Variants in ASTL observed in about 807,000 individuals in gnomAD.
ASTL encodes the protein astacin like metalloendopeptidase.
In ASTL, 27 loss-of-function variants were observed where a neutral mutation model predicts 36.7. The observed-to-expected ratio is 0.73, with a 90% CI of 0.54 to 1.01. The LOEUF is 1.01. ASTL is among the 50% of genes least tolerant of loss of function. The probability of loss-of-function intolerance (pLI) is 0.00; values close to 1 mark genes in which losing one functional copy is unlikely to be tolerated. For missense variants in ASTL, 524 were observed against 572.8 expected (o/e 0.91, Z 0.87); for synonymous variants, 222 against 228.1 (o/e 0.97, Z 0.24).
chr2:96,125,639 C>A (rs937833519), intron 8 of ASTL, among the ~76,000 whole-genome samples: 9 of 151,846 alleles, frequency 5.9e-5, no homozygotes, highest in African/African-American at 1.9e-4. Flanking sequence ...GGTAGTCAAA[C>A]CTCTAGAAAA....
rs764193295 is a variant in ASTL at position 96,137,597 on chromosome 2, C to G, written c.159G>C (p.Lys53Asn). The G allele has an allele frequency of 1.5e-5, 25 of 1,613,930 alleles. No individual in the cohort carries two copies. The Middle Eastern group carries it at 3.5e-3, about 224-fold the overall frequency. Residue 53 changes from lysine to asparagine, a missense_variant, in exon 2 of 9, where the codon AAG becomes AAC. Transcript: ENST00000342380. ...TPEGTQASGDKDIPAINQGLI... is the reference protein window; with the variant it reads ...TPEGTQASGDNDIPAINQGLI... Reference sequence around the variant, plus strand: ...CACCTTGGTTAATTGCAGGAATGTCCTTGTCCCCGGAGGCCTGGGTTCCCT... The same window carrying G: ...CACCTTGGTTAATTGCAGGAATGTCGTTGTCCCCGGAGGCCTGGGTTCCCT...
intron 2 of ASTL, among the ~76,000 whole-genome samples, chr2:96,137,217 C>T (rs759494152): frequency 4.6e-5 from 7 of 152,192 alleles, no homozygotes; most frequent in South Asian, 2.1e-4. Context: ...TGCGACTAAC[C>T]GCTTAGCTCC....
rs910149540 is a variant in ASTL, at chr2:96,135,381, G to C, written c.213C>G (p.Ser71Arg). The C allele has an allele frequency of 1.2e-6, 2 of 1,614,090 alleles. No homozygotes were observed. Among genetic ancestry groups the C allele is most frequent in the East Asian group, 2.2e-5 (1 of 44,894 alleles). Reference sequence around the variant, plus strand: ...GGATGATGTCCCCCTCGATGAGGAAGCTGCTCTCTGGGGTTTCTTCCAGGA... The same window carrying C: ...GGATGATGTCCCCCTCGATGAGGAACCTGCTCTCTGGGGTTTCTTCCAGGA... ...GLILEETPES[S>R]FLIEGDIIRP... The change falls in exon 3 of 9, where the codon AGC (serine) becomes AGG (arginine). Residue 71 changes from serine (S) to arginine (R), a missense_variant. Coordinates refer to ENST00000342380, the MANE Select transcript of ASTL (RefSeq NM_001002036.4).
intron 8 of ASTL, among the ~76,000 whole-genome samples, chr2:96,127,303 G>A (rs1402027400): frequency 6.6e-6 from 1 of 152,188 alleles, no homozygotes; most frequent in African/African-American, 2.4e-5. Context: ...TGGGTCAGGG[G>A]TTATGTACAC....
upstream of ASTL, chr2:96,138,520 C>G: frequency 2.5e-6 from 3 of 1,204,486 alleles, no homozygotes; most frequent in Non-Finnish European, 3.6e-6. Context: ...GCACCACCAC[C>G]CCCTCTTAAA....
intron 2 of ASTL, 65 bp downstream of exon 2, chr2:96,137,510 G>C (rs1019295925): frequency 2.6e-6 from 4 of 1,548,948 alleles, no homozygotes; most frequent in Non-Finnish European, 3.5e-6. Context: ...CTGAGTGTTC[G>C]GTGTGGTTTT....
chr2:96,129,725 C>T, intron 8 of ASTL, 99 bp downstream of exon 8: 2 of 1,222,364 alleles, frequency 1.6e-6, no homozygotes, highest in South Asian at 3.6e-5. Flanking sequence ...CACCCTGCTC[C>T]CCCTGCAACC....
At position 96,135,346 on chromosome 2, in the gene ASTL, C is replaced by T; in HGVS notation, c.243+5G>A. 1 of 1,613,986 alleles carries T rather than the reference C, an allele frequency of 6.2e-7. No individual in the cohort carries two copies. The highest frequency in any genetic ancestry group is 8.5e-7 in the Non-Finnish European group (1 of 1,179,840). ...GCACCCACACACGTCAGTGTGTGCA[C>T]TCACCGGCCGGATGATGTCCCCCTC... is the stretch of plus-strand genomic sequence containing the variant. On this transcript the variant is annotated splice_donor_5th_base_variant and intron_variant, in intron 3 of 8. Coordinates refer to ENST00000342380, the MANE Select transcript of ASTL (RefSeq NM_001002036.4).
Position 96,132,496 on chromosome 2 carries a change from T to C in ASTL, c.637+44A>G. 6.5e-7 allele frequency: 1 copy of C among 1,534,344 alleles called. No individual in the cohort carries two copies. The highest frequency in any genetic ancestry group is 8.9e-7 in the Non-Finnish European group (1 of 1,128,674). ...GGCGACTTGGGCCCAAGCCGTGCTG[T>C]CCCCTCCCCGGCACCAGCCTGTCCT... On this transcript the variant is annotated intron_variant, in intron 6 of 8. Transcript: ENST00000342380. The surrounding 1 kb of genome is among the most constrained non-coding windows in gnomAD (Gnocchi z 5.4).
At position 96,132,809 on chromosome 2, in the gene ASTL, A is replaced by C; in HGVS notation, c.456-88T>G. On this transcript the variant is annotated intron_variant, in intron 5 of 8. Transcript: ENST00000342380. The surrounding 1 kb of genome is among the most constrained non-coding windows in gnomAD (Gnocchi z 5.4). ...TGGGCTCTCCCTCCCCACACAACACAAGATAGACAAACTCCCAACAGGCAG... is the reference window on the plus strand; with the variant it reads ...TGGGCTCTCCCTCCCCACACAACACCAGATAGACAAACTCCCAACAGGCAG... 1.6e-6 allele frequency: 2 copies of C among 1,235,274 alleles called. No individual in the cohort carries two copies. The highest frequency in any genetic ancestry group is 2.2e-6 in the Non-Finnish European group (2 of 894,196). 76.5% of individuals were successfully genotyped at this position (1,235,274 alleles called of 1,614,324 possible). A position where few individuals can be genotyped will look rare whatever the true frequency, so the allele number is the denominator to read the frequency against.
At chr2:96,133,877 G>A (rs1682238557) in intron 4 of ASTL, 88 bp downstream of exon 4, 2 of 877,990 alleles carry the variant, frequency 2.3e-6, no homozygotes, top group African/African-American at 3.3e-5. Context: ...GGGATGTGAT[G>A]GTGTAAGAGG....
chr2:96,130,286 T>G, intron 6 of ASTL, 141 bp from the exon 7 acceptor site: 1 of 687,256 alleles, frequency 1.5e-6, no homozygotes, highest in Non-Finnish European at 2.6e-6. Context: ...ATGCTGCTTC[T>G]GGTACCAGTC....
At chr2:96,129,761 T>C in intron 8 of ASTL, 63 bp downstream of exon 8, 1 of 1,462,494 alleles carries the variant, frequency 6.8e-7, no homozygotes, top group Non-Finnish European at 9.1e-7. Context: ...TCACCCTCCC[T>C]GACACCATTA....
At chr2:96,135,327 A>C (rs1408179758) in intron 3 of ASTL, 24 bp downstream of exon 3, 14 of 1,611,046 alleles carry the variant, frequency 8.7e-6, no homozygotes, top group Non-Finnish European at 1.2e-5. Flanking sequence ...ATCCGCACCC[A>C]CACACGTCAG....
chr2:96,130,574 C>T (rs1268452386), intron 6 of ASTL, among the ~76,000 whole-genome samples: 1 of 152,146 alleles, frequency 6.6e-6, no homozygotes, highest in African/African-American at 2.4e-5. Flanking sequence ...GTGGTGATGC[C>T]CTAGTCCCCA....
intron 1 of ASTL, 33 bp downstream of exon 1, chr2:96,138,349 G>A (rs764986120): frequency 3.1e-6 from 5 of 1,587,652 alleles, no homozygotes; most frequent in Non-Finnish European, 4.3e-6. Flanking sequence ...CCAGGCTGGA[G>A]CCAGCAGCAG....
chr2:96,138,315 C>A (rs910832308), intron 1 of ASTL, 67 bp downstream of exon 1: 1 of 1,445,308 alleles, frequency 6.9e-7, no homozygotes, highest in East Asian at 2.4e-5. Context: ...CAGCCACAAC[C>A]TTCTAGCCTC....
Position 96,135,401 on chromosome 2 carries a change from C to A in ASTL, c.193G>T (p.Glu65Ter), listed in dbSNP as rs751917529. ...AGGAAGCTGCTCTCTGGGGTTTCTT[C>A]CAGGATGAGCCCTGGGAAAGGAAGA... ...IPAINQGLIL[E>*]ETPESSFLIE... Residue 65 changes from glutamate to a stop codon, truncating the protein, a stop_gained, in exon 3 of 9, where the codon GAA becomes TAA. Coordinates refer to ENST00000342380, the MANE Select transcript of ASTL (RefSeq NM_001002036.4). LOFTEE classifies it high-confidence loss of function. 27 of 1,614,140 alleles carry A rather than the reference C, an allele frequency of 1.7e-5. No individual in the cohort carries two copies. Among genetic ancestry groups the A allele is most frequent in the Non-Finnish European group, 2.0e-5 (24 of 1,180,000 alleles).
At chr2:96,125,575 T>C (rs1682048627) in intron 8 of ASTL, among the ~76,000 whole-genome samples, 1 of 152,102 alleles carries the variant, frequency 6.6e-6, no homozygotes, top group South Asian at 2.1e-4. Flanking sequence ...ACCATCTTGA[T>C]AGACCCAGCC....
Sources: allele counts gnomAD v4.1 joint callset (sites outside exome capture counted in the v4.1 genomes callset), GRCh38; gene constraint gnomAD v4.1.1; non-coding constraint Gnocchi (gnomAD v3.1); transcripts MANE v1.5; gene names NCBI Gene and HGNC (gene_info 2026-07-23, HGNC 2026-07-21).